The following LOXHD1 variants were observed in gnomAD, a reference collection of about 807,000 sequenced individuals.
LOXHD1 encodes the protein lipoxygenase homology PLAT domains 1.
LOXHD1 carries 205 observed loss-of-function variants against 248.2 expected under a neutral mutation model. The ratio of observed to expected loss-of-function variants is 0.83; its 90% CI spans 0.74 to 0.93. The LOEUF is 0.93. Ranked by LOEUF, LOXHD1 falls within the 40% of genes least tolerant of loss-of-function variation. The pLI is 0.00. For synonymous variants in LOXHD1, 1,113 were observed against 1,162.8 expected, an observed-to-expected ratio of 0.96 and a Z score of 0.87; for missense variants, 2,930 against 2,971.6, an observed-to-expected ratio of 0.99 and a Z score of 0.33.
intron 21 of LOXHD1, among the ~76,000 whole-genome samples, chr18:46,551,164 G>A (rs1005515336): frequency 6.7e-5 from 10 of 150,350 alleles, no homozygotes; most frequent in South Asian, 2.1e-4. Context: ...GTGCAGTGGC[G>A]CAATCTCGGC....
intron 6 of LOXHD1, among the ~76,000 whole-genome samples, chr18:46,607,881 C>G (rs1329816629): frequency 6.6e-6 from 1 of 152,044 alleles, no homozygotes; most frequent in African/African-American, 2.4e-5. Flanking sequence ...GAACAAATGC[C>G]ACCCGAGCAA....
In LOXHD1 at chr18:46,560,993, T is replaced by G. The variant is rs146202579; in HGVS notation, c.2599-448A>C. Among the ~76,000 whole-genome samples the G allele has an allele frequency of 3.0e-3, 451 of 152,358 alleles. 3 individuals are homozygous for G. Among genetic ancestry groups the G allele is most frequent in the African/African-American group, 0.01 (433 of 41,588 alleles). ...AGGTTCCTGTGTTTCATCACTTTTTTTAACTTTGTGCCTCTGTGTTCTCTT... is the reference window on the plus strand; with the variant it reads ...AGGTTCCTGTGTTTCATCACTTTTTGTAACTTTGTGCCTCTGTGTTCTCTT... On this transcript the variant is annotated intron_variant, in intron 18 of 40. Coordinates refer to ENST00000642948, the MANE Select transcript of LOXHD1 (RefSeq NM_001384474.1).
intron 19 of LOXHD1, 95 bp from the exon 20 acceptor site, chr18:46,559,697 C>T (rs2037470092): frequency 1.5e-6 from 2 of 1,340,870 alleles, no homozygotes; most frequent in Non-Finnish European, 2.0e-6. Context: ...GATCCTAGAA[C>T]AGAGGGATCT....
At chr18:46,617,228 A>T (rs11663781) in intron 5 of LOXHD1, among the ~76,000 whole-genome samples, 8,551 of 152,094 alleles carry the variant, frequency 0.056, 301 homozygotes, top group Admixed American at 0.12. Context: ...TATTTTTTTT[A>T]AAATTTAGAG....
chr18:46,574,388 T>TACACACACACACAC (rs569144159), intron 14 of LOXHD1, among the ~76,000 whole-genome samples: 12,357 of 125,090 alleles, frequency 0.099, 971 homozygotes, highest in African/African-American at 0.2. Context: ...TGTGTACACA[T>TACACACACACACAC]ACACACACAC....
chr18:46,586,740 G>A lies in LOXHD1; in HGVS notation c.1654+5193C>T, dbSNP rs373801003. Among the ~76,000 whole-genome samples, 32 of 152,282 alleles carry A rather than the reference G, an allele frequency of 2.1e-4. No individual in the cohort carries two copies. In the East Asian group the frequency reaches 4.0e-3, roughly 19 times the overall value. On this transcript the variant is annotated intron_variant, in intron 12 of 40. Transcript: ENST00000642948. ...TAGGATTACAGGCATGAGCCACTGC[G>A]TCCCGCCATAGCTGTTGTTTTTAAA...
At chr18:46,555,517 A>C in intron 21 of LOXHD1, 1 of 220,238 alleles carries the variant, frequency 4.5e-6, no homozygotes, top group Non-Finnish European at 9.3e-6. Flanking sequence ...GAACCCTGTC[A>C]CCTCCTGCCC....
intron 40 of LOXHD1, among the ~76,000 whole-genome samples, chr18:46,482,615 G>C (rs1399843083): frequency 6.6e-6 from 1 of 152,208 alleles, no homozygotes; most frequent in East Asian, 1.9e-4. Flanking sequence ...TGCTTGGTCT[G>C]GGGGAGCCAA....
chr18:46,610,389 G>A (rs936346127), intron 6 of LOXHD1, among the ~76,000 whole-genome samples: 15 of 151,518 alleles, frequency 9.9e-5, no homozygotes, highest in Admixed American at 2.6e-4. Flanking sequence ...ATCACACACC[G>A]GGGCCTGTCG....
intron 34 of LOXHD1, among the ~76,000 whole-genome samples, chr18:46,510,032 C>G (rs936868456): frequency 6.6e-6 from 1 of 152,158 alleles, no homozygotes; most frequent in African/African-American, 2.4e-5. Flanking sequence ...GAAATGGCCC[C>G]GAACCAAGAG....
intron 26 of LOXHD1, among the ~76,000 whole-genome samples, chr18:46,537,300 G>T (rs1253791556): frequency 6.6e-6 from 1 of 152,204 alleles, no homozygotes; most frequent in Non-Finnish European, 1.5e-5. Flanking sequence ...TTTTAGGGAA[G>T]CAACTAAACC....
intron 35 of LOXHD1, 83 bp downstream of exon 35, chr18:46,509,615 A>G (rs1346958599): frequency 1.0e-6 from 1 of 995,930 alleles, no homozygotes. Flanking sequence ...TTGTGCTTTA[A>G]CAAGGTCCAT....
chr18:46,581,880 C>T (rs934029861), intron 12 of LOXHD1, among the ~76,000 whole-genome samples: 2 of 152,138 alleles, frequency 1.3e-5, no homozygotes, highest in Non-Finnish European at 2.9e-5. Flanking sequence ...CTATAGAGGC[C>T]AGAAAGCAGT....
At chr18:46,645,520 T>G (rs1049710019) in intron 2 of LOXHD1, among the ~76,000 whole-genome samples, 2 of 152,208 alleles carry the variant, frequency 1.3e-5, no homozygotes, top group African/African-American at 4.8e-5. Flanking sequence ...TGCCATATTC[T>G]GAACACATGA....
chr18:46,556,366 G>A (rs2037329843), intron 21 of LOXHD1, among the ~76,000 whole-genome samples: 1 of 152,146 alleles, frequency 6.6e-6, no homozygotes, highest in Non-Finnish European at 1.5e-5. Context: ...CTGGACCAAG[G>A]AAGGTCTGAC....
At chr18:46,581,550 A>C (rs940264221) in intron 12 of LOXHD1, among the ~76,000 whole-genome samples, 1 of 152,250 alleles carries the variant, frequency 6.6e-6, no homozygotes, top group Non-Finnish European at 1.5e-5. Flanking sequence ...TGGTCATCAT[A>C]GGTATATGGA....
intron 2 of LOXHD1, among the ~76,000 whole-genome samples, chr18:46,644,404 C>T (rs1209604124): frequency 6.6e-6 from 1 of 152,176 alleles, no homozygotes; most frequent in African/African-American, 2.4e-5. Context: ...TCCAGAAAGG[C>T]CCTGCACCCA....
Position 46,506,031 on chromosome 18 carries a change from G to T in LOXHD1, c.5693-8C>A, listed in dbSNP as rs544020946. 1.5e-4 allele frequency: 237 copies of T among 1,551,906 alleles called. No individual in the cohort carries two copies. In the African/African-American group the frequency reaches 1.6e-3, roughly 10 times the overall value. ...TGGCATCAGTGCCTGCTCCTGGGGGGTGCACAAGGTGAGGCTTAGGGTGCC... is the reference window on the plus strand; with the variant it reads ...TGGCATCAGTGCCTGCTCCTGGGGGTTGCACAAGGTGAGGCTTAGGGTGCC... On this transcript the variant is annotated splice_region_variant and splice_polypyrimidine_tract_variant and intron_variant, in intron 36 of 40. Transcript: ENST00000642948.
intron 35 of LOXHD1, among the ~76,000 whole-genome samples, chr18:46,509,103 C>A (rs190454838): frequency 6.6e-6 from 1 of 152,204 alleles, no homozygotes; most frequent in East Asian, 1.9e-4. Context: ...CTGGGAAAAG[C>A]GGGAGGATGG....
Sources: gnomAD v4.1 joint callset for allele counts (sites outside exome capture counted in the v4.1 genomes callset) on GRCh38, gnomAD v4.1.1 for gene constraint, MANE v1.5 for transcripts, NCBI Gene and HGNC (gene_info 2026-07-23, HGNC 2026-07-21) for gene names.